Variants in TBC1D10C observed in about 807,000 individuals in gnomAD.
The protein encoded by TBC1D10C is TBC1 domain family member 10C.
TBC1D10C carries 49 observed loss-of-function variants against 51.0 expected under a neutral mutation model. The observed-to-expected ratio is 0.96, with a 90% CI of 0.76 to 1.22. The LOEUF (loss-of-function observed/expected upper bound fraction) is 1.22. TBC1D10C is among the 50% of genes most tolerant of loss of function. TBC1D10C has a pLI of 0.00. For synonymous variants in TBC1D10C, 281 were observed against 266.7 expected, an observed-to-expected ratio of 1.05 and a Z score of -0.52; for missense variants, 541 against 617.5, an observed-to-expected ratio of 0.88 and a Z score of 1.31.
Position 67,409,602 on chromosome 11 carries a change from C to T in TBC1D10C, c.1189C>T (p.Gln397Ter). Residue 397 changes from glutamine (Q) to a stop codon, truncating the protein, a stop_gained, in exon 9 of 9, where the codon CAG becomes TAG. Transcript: ENST00000542590. LOFTEE classifies it high-confidence loss of function. ...GCCTGAGGTGCCTCGGATTGTGGTG[C>T]AGCCCCCGGAGGAGCCCAGACCACC... ...AKPEVPRIVV[Q>*]PPEEPRPPRR... 6.4e-7 allele frequency: 1 copy of T among 1,551,498 alleles called. No individual in the cohort carries two copies. The highest frequency in any genetic ancestry group is 8.7e-7 in the Non-Finnish European group (1 of 1,148,362).
rs1300930874 is a variant in TBC1D10C at position 67,409,567 on chromosome 11, G to A, written c.1154G>A (p.Arg385Gln). ...GCCCAGCAGCTGGCAGGAGTGCGAC[G>A]AGGCGCCAAGCCTGAGGTGCCTCGG... ...FEAQQLAGVR[R>Q]GAKPEVPRIV... The change falls in exon 9 of 9, where the codon CGA becomes CAA. Residue 385 changes from arginine (R) to glutamine (Q), a missense_variant. Coordinates refer to ENST00000542590, the MANE Select transcript of TBC1D10C (RefSeq NM_001369496.1). 19 of 1,548,660 alleles carry A rather than the reference G, an allele frequency of 1.2e-5. No homozygotes were observed. Among genetic ancestry groups the A allele is most frequent in the Admixed American group, 2.0e-5 (1 of 50,962 alleles).
chr11:67,409,859 C>T lies in TBC1D10C; in HGVS notation c.*105C>T. 9.6e-7 allele frequency: 1 copy of T among 1,038,542 alleles called. No individual in the cohort carries two copies. The highest frequency in any genetic ancestry group is 1.6e-5 in the South Asian group (1 of 60,842). The allele number at this position is 1,038,542 out of a possible 1,614,324, so 64.3% of individuals were successfully genotyped here. On this transcript the variant is annotated 3_prime_UTR_variant, in exon 9 of 9. Transcript: ENST00000542590. Reference sequence around the variant, plus strand: ...CTCTTGGGACTCGGGGACTTGGCTTCCTTCCTGGCAAGGACCAGGCAGTGG... The same window carrying T: ...CTCTTGGGACTCGGGGACTTGGCTTTCTTCCTGGCAAGGACCAGGCAGTGG...
chr11:67,404,520 G>T (rs1331582515), intron 1 of TBC1D10C, among the ~76,000 whole-genome samples, 166 bp downstream of exon 1: 2 of 152,094 alleles, frequency 1.3e-5, no homozygotes, highest in African/African-American at 4.8e-5. Flanking sequence ...GGTGGGAAGG[G>T]TCCGGGGAGG....
At chr11:67,407,797 G>A (rs552594512) in intron 7 of TBC1D10C, 1 of 152,424 alleles carries the variant, frequency 6.6e-6, no homozygotes, top group South Asian at 2.1e-4. Flanking sequence ...TGTGAGGTCT[G>A]GAGGTTGCAC....
chr11:67,404,451 G>A, intron 1 of TBC1D10C, 97 bp downstream of exon 1: 1 of 1,307,364 alleles, frequency 7.6e-7, no homozygotes, highest in Non-Finnish European at 1.0e-6. Flanking sequence ...CTGGTGGTAG[G>A]GATTGGGAGG....
rs1260138100 is a variant in TBC1D10C at position 67,405,115 on chromosome 11, C to T, written c.183C>T (p.Arg61=). The T allele has an allele frequency of 6.4e-7, 1 of 1,551,398 alleles. No homozygotes were observed. Among genetic ancestry groups the T allele is most frequent in the Admixed American group, 2.0e-5 (1 of 51,008 alleles). The change falls in exon 2 of 9, where the codon CGC becomes CGT. Residue 61 remains arginine (R), a synonymous_variant. Transcript: ENST00000542590. ...GPGHPPADLI[R]QREMKWVEMT... The stretch of plus-strand genomic sequence containing the variant: ...GCCACCCACCTGCAGACCTCATCCG[C>T]CAACGGGAGATGAAGTGGGTGGAGA...
intron 6 of TBC1D10C, 49 bp downstream of exon 6, chr11:67,406,741 G>A (rs754510769): frequency 1.9e-6 from 3 of 1,592,118 alleles, no homozygotes; most frequent in Non-Finnish European, 2.6e-6. Flanking sequence ...GGGGCCCGGT[G>A]AGTGGGTGGG....
At chr11:67,406,426 C>T (rs1224806333) in intron 5 of TBC1D10C, 5 of 600,310 alleles carry the variant, frequency 8.3e-6, no homozygotes, top group African/African-American at 1.9e-5. Flanking sequence ...CACCCTAAAC[C>T]CCTCAGCAGA....
At chr11:67,408,715 T>TGGCGGG (rs1863301113) in intron 7 of TBC1D10C, 1 of 421,576 alleles carries the variant, frequency 2.4e-6, no homozygotes, top group African/African-American at 2.1e-5. Flanking sequence ...ACCTTCATTT[T>TGGCGGG]GGCGGGGGTG....
rs1209367412 is a variant in TBC1D10C at position 67,409,480 on chromosome 11, C to G, written c.1067C>G (p.Ser356Cys). The G allele has an allele frequency of 3.2e-6, 5 of 1,548,662 alleles. No individual in the cohort carries two copies. The African/African-American group carries it at 6.8e-5, about 21-fold the overall frequency. ...GCCCAGCTGGCCCAGCTGCCCGATT[C>G]CGCGCCGGGACCCCCGCCCCGGCCA... ...IKAQLAQLPD[S>C]APGPPPRPQV... Residue 356 changes from serine to cysteine, a missense_variant, in exon 9 of 9, where the codon TCC becomes TGC. By Grantham distance (112) the Ser-to-Cys change is moderately radical. Coordinates refer to ENST00000542590, the MANE Select transcript of TBC1D10C (RefSeq NM_001369496.1).
At position 67,405,415 on chromosome 11, in the gene TBC1D10C, G is replaced by A. The variant is rs753658396; in HGVS notation, c.269G>A (p.Arg90Gln). ...CACCCACAGGTAAAGATGCAGTGCC[G>A]GAAAGGCATCCCGTCTGCCCTGCGC... ...RRYKKVKMQC[R>Q]KGIPSALRAR... The change falls in exon 3 of 9, where the codon CGG becomes CAG. Residue 90 changes from arginine to glutamine, a missense_variant. Physicochemically the swap from Arg to Gln is conservative, Grantham distance 43. Transcript: ENST00000542590. 11 of 1,613,422 alleles carry A rather than the reference G, an allele frequency of 6.8e-6. No homozygotes were observed. The highest frequency in any genetic ancestry group is 2.2e-5 in the South Asian group (2 of 91,070).
chr11:67,407,537 T>A, intron 7 of TBC1D10C: 1 of 159,540 alleles, frequency 6.3e-6, no homozygotes. Flanking sequence ...TCCTTCTGGC[T>A]GCTCTGTGCA....
intron 8 of TBC1D10C, 111 bp from the exon 9 acceptor site, chr11:67,409,296 C>G (rs1863338262): frequency 7.2e-7 from 1 of 1,390,498 alleles, no homozygotes. Context: ...TGTGGCTCCC[C>G]AGTGAGGCTG....
intron 7 of TBC1D10C, chr11:67,407,329 T>C: frequency 6.0e-6 from 2 of 335,746 alleles, no homozygotes; most frequent in Non-Finnish European, 1.1e-5. Flanking sequence ...TGCTGGGTGC[T>C]CACTGGCTCC....
At chr11:67,403,975 G>A, upstream of TBC1D10C, 1 of 445,876 alleles carries the variant, frequency 2.2e-6, no homozygotes, top group Non-Finnish European at 3.9e-6. Context: ...GGGCTGGTGG[G>A]GACAGGGGCA....
Position 67,409,688 on chromosome 11 carries a change from C to CG in TBC1D10C, c.1275_1276insG (p.Pro426AlafsTer28). 6.3e-7 allele frequency: 1 copy of CG among 1,595,202 alleles called. No homozygotes were observed. The highest frequency in any genetic ancestry group is 8.5e-7 in the Non-Finnish European group (1 of 1,177,284). The stretch of plus-strand genomic sequence containing the variant: ...ATGGGCTCCTGACTCGGGCCCGGGG[C>CG]CCCCCCATCGAGGGGCCCCCCAGGC... On this transcript the variant is annotated frameshift_variant, in exon 9 of 9. Transcript: ENST00000542590. LOFTEE classifies it high-confidence loss of function.
In TBC1D10C at chr11:67,404,101, C is replaced by T; in HGVS notation, c.-102C>T. ...GCTTGGTGAGATACCCTGAAACCTC[C>T]CCCCTCTGACCCCGCAGCCAGGCCC... On this transcript the variant is annotated 5_prime_UTR_variant, in exon 1 of 9. Coordinates refer to ENST00000542590, the MANE Select transcript of TBC1D10C (RefSeq NM_001369496.1). 1.5e-6 allele frequency: 2 copies of T among 1,358,852 alleles called. No individual in the cohort carries two copies. Among genetic ancestry groups the T allele is most frequent in the South Asian group, 3.2e-5 (2 of 62,996 alleles). 84.2% of individuals were successfully genotyped at this position (1,358,852 alleles called of 1,614,324 possible). A position where few individuals can be genotyped will look rare whatever the true frequency, so the allele number is the denominator to read the frequency against.
In TBC1D10C at chr11:67,404,165, C is replaced by G; in HGVS notation, c.-38C>G. The G allele has an allele frequency of 6.8e-7, 1 of 1,460,638 alleles. No individual in the cohort carries two copies. The highest frequency in any genetic ancestry group is 9.1e-7 in the Non-Finnish European group (1 of 1,103,574). 90.5% of individuals were successfully genotyped at this position (1,460,638 alleles called of 1,614,324 possible). A position where few individuals can be genotyped will look rare whatever the true frequency, so the allele number is the denominator to read the frequency against. On this transcript the variant is annotated 5_prime_UTR_variant, in exon 1 of 9. Coordinates refer to ENST00000542590, the MANE Select transcript of TBC1D10C (RefSeq NM_001369496.1). ...AGTGGCCCCTCACACTGGTTCTCCCCACTTTCTCTGCCTGTGGCATCGAAG... is the reference window on the plus strand; with the variant it reads ...AGTGGCCCCTCACACTGGTTCTCCCGACTTTCTCTGCCTGTGGCATCGAAG...
chr11:67,409,490 AC>A lies in TBC1D10C; in HGVS notation c.1082del (p.Pro361ArgfsTer60). 7.1e-6 allele frequency: 11 copies of A among 1,547,408 alleles called. No individual in the cohort carries two copies. Among genetic ancestry groups the A allele is most frequent in the Non-Finnish European group, 9.6e-6 (11 of 1,146,200 alleles). ...LAQLPDSAPG[P>X]PPRPQVRLAG... ...CCCAGCTGCCCGATTCCGCGCCGGGACCCCCGCCCCGGCCACAGGTCCGCCT... is the reference window on the plus strand; with the variant it reads ...CCCAGCTGCCCGATTCCGCGCCGGGACCCCGCCCCGGCCACAGGTCCGCCT... On this transcript the variant is annotated frameshift_variant, in exon 9 of 9. Coordinates refer to ENST00000542590, the MANE Select transcript of TBC1D10C (RefSeq NM_001369496.1). LOFTEE classifies it high-confidence loss of function.
Sources: allele counts gnomAD v4.1 joint callset (sites outside exome capture counted in the v4.1 genomes callset), GRCh38; gene constraint gnomAD v4.1.1; transcripts MANE v1.5; gene names NCBI Gene and HGNC (gene_info 2026-07-23, HGNC 2026-07-21).